The following OTULINL variants were observed in gnomAD, a reference collection of about 807,000 sequenced individuals.
The protein encoded by OTULINL is inactive ubiquitin thioesterase OTULINL.
A neutral mutation model predicts 43.9 loss-of-function variants in OTULINL; 42 were observed. The ratio of observed to expected loss-of-function variants is 0.96; its 90% CI spans 0.75 to 1.24. The LOEUF is 1.24. OTULINL is among the 50% of genes most tolerant of loss of function. The pLI is 0.00. For synonymous variants in OTULINL, 172 were observed against 153.6 expected (o/e 1.12, Z -0.88); for missense variants, 411 against 426.4 (o/e 0.96, Z 0.32).
chr5:14,605,157 C>T (rs1301014827), intron 5 of OTULINL, among the ~76,000 whole-genome samples: 3 of 152,204 alleles, frequency 2.0e-5, no homozygotes, highest in Non-Finnish European at 4.4e-5. Context: ...GGTGGAGGTT[C>T]CCAACCCTCA....
chr5:14,594,828 GTC>G (rs1457538753), intron 1 of OTULINL, among the ~76,000 whole-genome samples: 1 of 151,958 alleles, frequency 6.6e-6, no homozygotes. Context: ...CACCTCAGGA[GTC>G]TCTGTGTCCT....
chr5:14,594,104 T>C (rs938590445), intron 1 of OTULINL, among the ~76,000 whole-genome samples: 3 of 149,698 alleles, frequency 2.0e-5, no homozygotes, highest in Non-Finnish European at 3.0e-5. Context: ...ATTAAGAGGG[T>C]GTTTTTTTTC....
chr5:14,591,525 C>G (rs557962220), intron 1 of OTULINL, among the ~76,000 whole-genome samples: 41 of 152,204 alleles, frequency 2.7e-4, no homozygotes, highest in African/African-American at 9.2e-4. Context: ...AAAAAATCTG[C>G]CACTCAGATC....
chr5:14,585,588 C>T (rs1310308154), intron 1 of OTULINL, among the ~76,000 whole-genome samples: 1 of 152,186 alleles, frequency 6.6e-6, no homozygotes, highest in East Asian at 1.9e-4. Context: ...GTGTGCTCTC[C>T]TGTGTGCCTG....
At chr5:14,607,239 A>T (rs1479144574) in intron 5 of OTULINL, 91 bp from the exon 6 acceptor site, 3 of 1,383,792 alleles carry the variant, frequency 2.2e-6, no homozygotes, top group Non-Finnish European at 2.9e-6. Context: ...CGAAAAAAAA[A>T]AAGATAAGGT....
intron 1 of OTULINL, 131 bp downstream of exon 1, chr5:14,582,089 C>G: frequency 3.2e-6 from 2 of 631,202 alleles, no homozygotes; most frequent in Non-Finnish European, 4.4e-6. Context: ...GCTGGGAATC[C>G]TGGAGCCCGG....
Position 14,614,217 on chromosome 5 carries a change from T to C in OTULINL, c.*3903T>C, listed in dbSNP as rs1274400018. Among the ~76,000 whole-genome samples the C allele has an allele frequency of 6.6e-6, 1 of 152,238 alleles. No homozygotes were observed. Among genetic ancestry groups the C allele is most frequent in the Admixed American group, 6.5e-5 (1 of 15,286 alleles). On this transcript the variant is annotated 3_prime_UTR_variant, in exon 8 of 8. Coordinates refer to ENST00000274217, the MANE Select transcript of OTULINL (RefSeq NM_019018.3). Reference sequence around the variant, plus strand: ...CAGAAAAAAGTATATATATATCATATGTCTTTTCATGCATCTGAAACTTTA... The same window carrying C: ...CAGAAAAAAGTATATATATATCATACGTCTTTTCATGCATCTGAAACTTTA...
At chr5:14,604,087 T>G (rs1217359995) in intron 5 of OTULINL, among the ~76,000 whole-genome samples, 1 of 152,144 alleles carries the variant, frequency 6.6e-6, no homozygotes, top group African/African-American at 2.4e-5. Context: ...ATCCCAGCAC[T>G]TTGGGAGGCC....
chr5:14,605,766 A>G (rs1437719267), intron 5 of OTULINL, among the ~76,000 whole-genome samples: 4 of 152,250 alleles, frequency 2.6e-5, no homozygotes, highest in Admixed American at 6.5e-5. Context: ...TCGTTAAAAC[A>G]TAACAAGAGT....
rs1759057197 is a variant in OTULINL at position 14,583,694 on chromosome 5, T to C, written c.64+1736T>C. On this transcript the variant is annotated intron_variant, in intron 1 of 7. Transcript: ENST00000274217. Reference sequence around the variant, plus strand: ...TCAAGGATCAGATTATGGAAAACTTTTTTCTCCAAAACATAACTTCTGATG... The same window carrying C: ...TCAAGGATCAGATTATGGAAAACTTCTTTCTCCAAAACATAACTTCTGATG... Among the ~76,000 whole-genome samples, 3 of 152,320 alleles carry C rather than the reference T, an allele frequency of 2.0e-5. No homozygotes were observed. The South Asian group carries it at 6.2e-4, about 32-fold the overall frequency.
chr5:14,599,275 G>A (rs1382733315), intron 1 of OTULINL, among the ~76,000 whole-genome samples: 2 of 152,070 alleles, frequency 1.3e-5, no homozygotes, highest in African/African-American at 2.4e-5. Flanking sequence ...GGTTGCCTGC[G>A]GTTGGGAGCT....
chr5:14,596,541 A>AT (rs1035280651), intron 1 of OTULINL, among the ~76,000 whole-genome samples: 155 of 152,120 alleles, frequency 1.0e-3, no homozygotes, highest in African/African-American at 3.5e-3. Flanking sequence ...AGGAAGGATA[A>AT]TTTTTTTTAA....
At chr5:14,602,362 T>C in intron 5 of OTULINL, 30 bp downstream of exon 5, 7 of 1,601,642 alleles carry the variant, frequency 4.4e-6, no homozygotes, top group Non-Finnish European at 5.1e-6. Context: ...ATGTGGGAAA[T>C]GTCATGTTGA....
intron 1 of OTULINL, among the ~76,000 whole-genome samples, chr5:14,585,271 T>TG (rs1188343457): frequency 6.6e-6 from 1 of 151,874 alleles, no homozygotes; most frequent in Non-Finnish European, 1.5e-5. Context: ...TTGAGGGCTG[T>TG]GGGGGAAAAA....
At chr5:14,590,463 C>A (rs371461180) in intron 1 of OTULINL, among the ~76,000 whole-genome samples, 59 of 152,268 alleles carry the variant, frequency 3.9e-4, no homozygotes, top group African/African-American at 1.4e-3. Flanking sequence ...TAGCAATGTT[C>A]TATAAAGTTT....
At chr5:14,608,260 G>C (rs1759515079) in intron 6 of OTULINL, among the ~76,000 whole-genome samples, 1 of 152,150 alleles carries the variant, frequency 6.6e-6, no homozygotes, top group African/African-American at 2.4e-5. Flanking sequence ...AAATTGGGTG[G>C]CTTAACCCAT....
At chr5:14,595,720 G>A (rs1759276321) in intron 1 of OTULINL, among the ~76,000 whole-genome samples, 1 of 118,844 alleles carries the variant, frequency 8.4e-6, no homozygotes, top group South Asian at 2.9e-4. Context: ...AGTGATCACA[G>A]ATCAGATTTT....
chr5:14,607,500 C>T lies in OTULINL; in HGVS notation c.627+42C>T, dbSNP rs139036309. 38 of 1,608,856 alleles carry T rather than the reference C, an allele frequency of 2.4e-5. No individual in the cohort carries two copies. In the East Asian group the frequency reaches 7.6e-4, roughly 32 times the overall value. On this transcript the variant is annotated intron_variant, in intron 6 of 7. Coordinates refer to ENST00000274217, the MANE Select transcript of OTULINL (RefSeq NM_019018.3). ...GAAATAAAAAGACTAGGAATAAAAG[C>T]ACATATCCCAGATAGAGCCAGTTTT...
intron 1 of OTULINL, among the ~76,000 whole-genome samples, chr5:14,597,112 C>T (rs1389570912): frequency 6.6e-6 from 1 of 152,110 alleles, no homozygotes. Context: ...TGTTTTCCCC[C>T]TCAAAGTTTT....
Sources: allele counts gnomAD v4.1 joint callset (sites outside exome capture counted in the v4.1 genomes callset), GRCh38; gene constraint gnomAD v4.1.1; transcripts MANE v1.5; gene names NCBI Gene and HGNC (gene_info 2026-07-23, HGNC 2026-07-21).